The following CFAP20DC variants were observed in gnomAD, a reference collection of about 807,000 sequenced individuals.
CFAP20DC encodes the protein CFAP20 domain containing.
A neutral mutation model predicts 101.7 loss-of-function variants in CFAP20DC; 84 were observed. The ratio of observed to expected loss-of-function variants is 0.83; its 90% CI spans 0.69 to 0.99. The LOEUF is 0.99. CFAP20DC is among the 50% of genes least tolerant of loss of function. CFAP20DC has a pLI of 0.00. For missense variants in CFAP20DC, 1,007 were observed against 970.3 expected (o/e 1.04, Z -0.50); for synonymous variants, 359 against 351.2 (o/e 1.02, Z -0.25).
At chr3:59,034,627 C>T (rs969735242) in intron 4 of CFAP20DC, among the ~76,000 whole-genome samples, 10 of 151,968 alleles carry the variant, frequency 6.6e-5, no homozygotes, top group East Asian at 1.9e-4. Flanking sequence ...AAGGGATAAA[C>T]GCAACAAGAA....
Position 58,913,844 on chromosome 3 carries a change from G to C in CFAP20DC, c.414C>G (p.Asp138Glu), listed in dbSNP as rs1296879270. 6.2e-7 allele frequency: 1 copy of C among 1,613,350 alleles called. No homozygotes were observed. The highest frequency in any genetic ancestry group is 8.5e-7 in the Non-Finnish European group (1 of 1,179,724). ...KRKIWCNLCI[D>E]LVAFTSEIFK... ...ATATTTCACTGGTGAATGCTACTAA[G>C]TCAATGCATAGATTGCACCACTAAA... Residue 138 changes from aspartate to glutamate, a missense_variant, in exon 6 of 17, where the codon GAC becomes GAG. By Grantham distance (45) the Asp-to-Glu change is conservative. Coordinates refer to ENST00000482387, the MANE Select transcript of CFAP20DC (RefSeq NM_001394063.1). The surrounding 1 kb of genome is among the most constrained non-coding windows in gnomAD (Gnocchi z 4.4).
chr3:58,798,131 T>A (rs947006162), intron 15 of CFAP20DC, among the ~76,000 whole-genome samples: 1 of 145,082 alleles, frequency 6.9e-6, no homozygotes, highest in African/African-American at 2.7e-5. Flanking sequence ...AGCTTTCAAG[T>A]CTTCTTAAGA....
intron 15 of CFAP20DC, among the ~76,000 whole-genome samples, chr3:58,805,777 A>C (rs1197603899): frequency 6.6e-6 from 1 of 152,252 alleles, no homozygotes; most frequent in Non-Finnish European, 1.5e-5. Context: ...TTCAAAACTC[A>C]AATTCAGATC....
intron 4 of CFAP20DC, among the ~76,000 whole-genome samples, chr3:58,961,740 T>C (rs767349447): frequency 1.3e-5 from 2 of 152,138 alleles, no homozygotes; most frequent in African/African-American, 2.4e-5. Context: ...TTTTTTTTCT[T>C]GATTCAGTTG....
intron 15 of CFAP20DC, among the ~76,000 whole-genome samples, chr3:58,805,436 C>A (rs1240176303): frequency 6.6e-6 from 1 of 152,206 alleles, no homozygotes; most frequent in Non-Finnish European, 1.5e-5. Context: ...CAACCACCTG[C>A]CAAACCGCCT....
intron 4 of CFAP20DC, among the ~76,000 whole-genome samples, chr3:59,029,711 C>T (rs2093953887): frequency 6.6e-6 from 1 of 152,118 alleles, no homozygotes; most frequent in South Asian, 2.1e-4. Flanking sequence ...CTACTGCAGT[C>T]TGGAGACTAG....
chr3:58,850,347 G>A (rs1467989662), intron 12 of CFAP20DC, among the ~76,000 whole-genome samples: 1 of 152,076 alleles, frequency 6.6e-6, no homozygotes, highest in Non-Finnish European at 1.5e-5. Flanking sequence ...AGCACTTTCA[G>A]AGGCCAAGGC....
chr3:58,919,480 T>C (rs1387023699), intron 5 of CFAP20DC, among the ~76,000 whole-genome samples: 2 of 152,226 alleles, frequency 1.3e-5, no homozygotes, highest in East Asian at 1.9e-4. Flanking sequence ...TTTTGACTAT[T>C]CTAGGTCTTT....
chr3:58,792,322 T>C (rs980568709), intron 15 of CFAP20DC, among the ~76,000 whole-genome samples: 3 of 152,160 alleles, frequency 2.0e-5, no homozygotes, highest in Admixed American at 1.3e-4. Context: ...AGATGGTAAA[T>C]GCAGTATTTT....
Position 58,892,301 on chromosome 3 carries a change from G to A in CFAP20DC, c.551-7592C>T, listed in dbSNP as rs142337507. Among the ~76,000 whole-genome samples the A allele has an allele frequency of 2.7e-3, 412 of 152,298 alleles. 1 individual carries two copies. Among genetic ancestry groups the A allele is most frequent in the African/African-American group, 9.3e-3 (388 of 41,556 alleles). The stretch of plus-strand genomic sequence containing the variant: ...AGCTTTGTTCTTTTTGCTTAAGATT[G>A]TCTTGGCTATACAGATTCTTTTTTG... On this transcript the variant is annotated intron_variant, in intron 6 of 16. Coordinates refer to ENST00000482387, the MANE Select transcript of CFAP20DC (RefSeq NM_001394063.1). The surrounding 1 kb of genome is among the most constrained non-coding windows in gnomAD (Gnocchi z 4.0).
chr3:58,818,443 A>G (rs979933125), intron 14 of CFAP20DC, among the ~76,000 whole-genome samples: 1 of 151,308 alleles, frequency 6.6e-6, no homozygotes, highest in African/African-American at 2.4e-5. Flanking sequence ...AGGATGGAGG[A>G]AGATCTACCA....
intron 4 of CFAP20DC, among the ~76,000 whole-genome samples, chr3:58,979,718 T>C (rs1408481906): frequency 6.6e-6 from 1 of 152,208 alleles, no homozygotes; most frequent in African/African-American, 2.4e-5. Context: ...TGCCAAAGGA[T>C]TGCTTGAAAT....
In CFAP20DC at chr3:58,859,750, G is replaced by C. The variant is rs545619963; in HGVS notation, c.1593+3808C>G. 2.8e-4 allele frequency among the ~76,000 whole-genome samples: 42 copies of C among 152,278 alleles called. No individual in the cohort carries two copies. The highest frequency in any genetic ancestry group is 3.4e-3 in the Middle Eastern group (1 of 294). ...TGCAAGGCAGTATATTCAAAATAGA[G>C]TCTTTTCATTTTTTCCCAACACATA... On this transcript the variant is annotated intron_variant, in intron 12 of 16. Coordinates refer to ENST00000482387, the MANE Select transcript of CFAP20DC (RefSeq NM_001394063.1). This position sits in a 1 kb window ranked among gnomAD's most constrained non-coding sequence, Gnocchi z 4.1.
chr3:58,830,161 C>T (rs1446081973), intron 14 of CFAP20DC, among the ~76,000 whole-genome samples: 3 of 152,098 alleles, frequency 2.0e-5, no homozygotes, highest in Non-Finnish European at 4.4e-5. Flanking sequence ...ACAACTGAGG[C>T]AAGAGAAACC....
rs2079539656 is a variant in CFAP20DC, at chr3:58,864,811, G to A, written c.1259-919C>T. 6.6e-6 allele frequency among the ~76,000 whole-genome samples: 1 copy of A among 152,106 alleles called. No individual in the cohort carries two copies. Among genetic ancestry groups the A allele is most frequent in the Admixed American group, 6.5e-5 (1 of 15,270 alleles). ...TAATCCAAGCAGTGGATTCTGCTGG[G>A]TGAAAAAGGTCTTTAAGTTTACAAG... On this transcript the variant is annotated intron_variant, in intron 11 of 16. Transcript: ENST00000482387. The surrounding 1 kb of genome is among the most constrained non-coding windows in gnomAD (Gnocchi z 4.7).
chr3:58,797,532 T>C (rs1434724529), intron 15 of CFAP20DC, among the ~76,000 whole-genome samples: 1 of 152,160 alleles, frequency 6.6e-6, no homozygotes, highest in Non-Finnish European at 1.5e-5. Context: ...GCCATCTCGG[T>C]AACATAAAAA....
intron 4 of CFAP20DC, among the ~76,000 whole-genome samples, chr3:59,034,055 T>G (rs2094047931): frequency 6.6e-6 from 1 of 151,560 alleles, no homozygotes; most frequent in East Asian, 1.9e-4. Flanking sequence ...TCAATATTCT[T>G]AAAGACTTTT....
At chr3:58,908,303 T>C (rs2083806052) in intron 6 of CFAP20DC, among the ~76,000 whole-genome samples, 1 of 152,194 alleles carries the variant, frequency 6.6e-6, no homozygotes, top group Admixed American at 6.6e-5. Context: ...TATCTCTGAC[T>C]TCCTATTTTG....
At chr3:58,936,814 C>T (rs945525951) in intron 5 of CFAP20DC, among the ~76,000 whole-genome samples, 1 of 152,008 alleles carries the variant, frequency 6.6e-6, no homozygotes, top group African/African-American at 2.4e-5. Flanking sequence ...AGGAGATATA[C>T]CTAATGCTAA....
Sources: gnomAD v4.1 joint callset for allele counts (sites outside exome capture counted in the v4.1 genomes callset) on GRCh38, gnomAD v4.1.1 for gene constraint, Gnocchi (gnomAD v3.1) non-coding constraint, MANE v1.5 for transcripts, NCBI Gene and HGNC (gene_info 2026-07-23, HGNC 2026-07-21) for gene names.